TOP2B: variants seen among roughly 807,000 people sequenced by gnomAD.
TOP2B encodes DNA topoisomerase II beta.
Under a neutral mutation model 193.5 loss-of-function variants are expected in TOP2B, and 51 were observed. That is an observed-to-expected ratio of 0.26 (90% CI 0.21 to 0.33). TOP2B has a LOEUF of 0.33. Ranked by LOEUF, TOP2B falls within the 10% of genes least tolerant of loss-of-function variation. The probability of loss-of-function intolerance (pLI) is 1.00; values close to 1 mark genes in which losing one functional copy is unlikely to be tolerated. For missense variants in TOP2B, 1,378 were observed against 1,909.3 expected (o/e 0.72, Z 5.19); for synonymous variants, 634 against 635.7 (o/e 1.00, Z 0.04).
chr3:25,650,637 C>T (rs971572629), intron 1 of TOP2B, among the ~76,000 whole-genome samples: 3 of 152,134 alleles, frequency 2.0e-5, no homozygotes, highest in Admixed American at 6.5e-5. Flanking sequence ...GAAGCTGAAC[C>T]GACTGAGACA....
chr3:25,622,178 G>C (rs1702674815), intron 21 of TOP2B, among the ~76,000 whole-genome samples: 1 of 152,006 alleles, frequency 6.6e-6, no homozygotes, highest in African/African-American at 2.4e-5. Flanking sequence ...ACTTAGCACA[G>C]TTTCATACAC....
At chr3:25,662,167 T>C (rs180835115) in intron 1 of TOP2B, among the ~76,000 whole-genome samples, 56 of 152,340 alleles carry the variant, frequency 3.7e-4, no homozygotes, top group Non-Finnish European at 7.6e-4. Flanking sequence ...CTCATTTCAT[T>C]CTCAATGCAA....
chr3:25,624,951 C>T (rs960040319), intron 18 of TOP2B, 148 bp from the exon 19 acceptor site: 12 of 719,166 alleles, frequency 1.7e-5, no homozygotes, highest in African/African-American at 1.3e-4. Context: ...CATACTAACA[C>T]GTTTGTTTTG....
intron 1 of TOP2B, among the ~76,000 whole-genome samples, chr3:25,656,736 A>C (rs2125408574): frequency 6.6e-6 from 1 of 152,318 alleles, no homozygotes. Flanking sequence ...GCATAGGAAA[A>C]AATGTGAAAT....
intron 28 of TOP2B, among the ~76,000 whole-genome samples, chr3:25,611,634 C>T (rs1702373219): frequency 6.6e-6 from 1 of 152,096 alleles, no homozygotes; most frequent in Admixed American, 6.5e-5. Context: ...TCTGATGTTT[C>T]CTTCTTCCGG....
In TOP2B at chr3:25,643,616, T is replaced by C; in HGVS notation, c.331+78A>G. The C allele has an allele frequency of 4.6e-6, 5 of 1,076,770 alleles. No homozygotes were observed. The South Asian group carries it at 7.1e-5, about 15-fold the overall frequency. The allele number at this position is 1,076,770 out of a possible 1,614,324, so 66.7% of individuals were successfully genotyped here. A position where few individuals can be genotyped will look rare whatever the true frequency, so the allele number is the denominator to read the frequency against. On this transcript the variant is annotated intron_variant, in intron 3 of 35. Coordinates refer to ENST00000264331, the MANE Select transcript of TOP2B (RefSeq NM_001330700.2). ...ATACACCTTTCAAATTTATACTGGT[T>C]AAGTCTGGCTTTATATATAAAAGGA... is the stretch of plus-strand genomic sequence containing the variant.
intron 7 of TOP2B, among the ~76,000 whole-genome samples, chr3:25,634,789 AAAAAAAAAC>A (rs1165519398): frequency 4.2e-5 from 6 of 143,892 alleles, no homozygotes; most frequent in African/African-American, 1.6e-4. Flanking sequence ...AAAAAAAAAA[AAAAAAAAAC>A]CAAAAAAAGG....
intron 28 of TOP2B, among the ~76,000 whole-genome samples, chr3:25,610,470 A>G (rs1702341124): frequency 1.3e-5 from 2 of 152,198 alleles, no homozygotes; most frequent in African/African-American, 4.8e-5. Flanking sequence ...GGAAACACAT[A>G]GGTTTGCCAG....
Position 25,664,715 on chromosome 3 carries a change from C to A in TOP2B, c.-418G>T, listed in dbSNP as rs986353880. ...GGACGCAGAGGTGCCTTGTCCTTCTCACACTCCGCGAAGGCCAGCCACTCG... is the reference window on the plus strand; with the variant it reads ...GGACGCAGAGGTGCCTTGTCCTTCTAACACTCCGCGAAGGCCAGCCACTCG... On this transcript the variant is annotated 5_prime_UTR_variant, in exon 1 of 36. Transcript: ENST00000264331. The A allele has an allele frequency of 5.9e-5, 58 of 985,280 alleles. No individual in the cohort carries two copies. In the African/African-American group the frequency reaches 9.9e-4, roughly 17 times the overall value. 61.0% of individuals were successfully genotyped at this position (985,280 alleles called of 1,614,324 possible). A position where few individuals can be genotyped will look rare whatever the true frequency, so the allele number is the denominator to read the frequency against.
intron 27 of TOP2B, among the ~76,000 whole-genome samples, chr3:25,613,375 A>G (rs1291254763): frequency 1.3e-5 from 2 of 152,190 alleles, no homozygotes; most frequent in African/African-American, 4.8e-5. Context: ...AAATTACCCA[A>G]GCTTTGAAAT....
intron 7 of TOP2B, among the ~76,000 whole-genome samples, chr3:25,634,793 A>ACAAAC (rs55702752): frequency 0.011 from 1,669 of 146,374 alleles, 34 homozygotes; most frequent in African/African-American, 0.038. Flanking sequence ...AAAAAAAAAA[A>ACAAAC]AAAACCAAAA....
chr3:25,664,384 C>T lies in TOP2B; in HGVS notation c.-87G>A. ...CCGCTGGGCCCCGCCGCTCCGCACC[C>T]ACCGCTCCACTCGCCGCACTCCTAG... On this transcript the variant is annotated 5_prime_UTR_variant, in exon 1 of 36. Transcript: ENST00000264331. 1 of 1,348,150 alleles carries T rather than the reference C, an allele frequency of 7.4e-7. No homozygotes were observed. The highest frequency in any genetic ancestry group is 3.2e-5 in the East Asian group (1 of 31,582). The allele number at this position is 1,348,150 out of a possible 1,614,324, so 83.5% of individuals were successfully genotyped here.
intron 13 of TOP2B, 26 bp from the exon 14 acceptor site, chr3:25,629,171 A>G: frequency 6.9e-7 from 1 of 1,447,450 alleles, no homozygotes; most frequent in Non-Finnish European, 9.4e-7. Context: ...TAAAGTAAAA[A>G]ATGTTGTAAT....
At chr3:25,614,994 T>C (rs551687796) in intron 27 of TOP2B, among the ~76,000 whole-genome samples, 223 of 152,164 alleles carry the variant, frequency 1.5e-3, no homozygotes, top group African/African-American at 4.1e-3. Context: ...GCAGATTTAA[T>C]TTATTCTAAA....
At position 25,633,956 on chromosome 3, in the gene TOP2B, C is replaced by A. The variant is rs1391533191; in HGVS notation, c.911G>T (p.Gly304Val). Residue 304 changes from glycine to valine, a missense_variant, in exon 8 of 36, where the codon GGG becomes GTG. Gly to Val is a moderately radical substitution (Grantham distance 109, BLOSUM62 -3). This residue lies in a region of TOP2B where 222 missense variants were observed against 306.6 expected (regional missense o/e 0.72). Coordinates refer to ENST00000264331, the MANE Select transcript of TOP2B (RefSeq NM_001330700.2). ...LYVKDKLDETGVALKVIHELA... is the reference protein window; with the variant it reads ...LYVKDKLDETVVALKVIHELA... ...CTCATGAATAACTTTCAGGGCCACC[C>A]CAGTTTCATCCAATTTGTCTTTCAC... 6.2e-7 allele frequency: 1 copy of A among 1,612,814 alleles called. No homozygotes were observed.
At chr3:25,621,211 T>C (rs566017768) in intron 21 of TOP2B, among the ~76,000 whole-genome samples, 2 of 152,184 alleles carry the variant, frequency 1.3e-5, no homozygotes, top group Non-Finnish European at 2.9e-5. Flanking sequence ...TCTTCTCCCA[T>C]ATTTTGTTTG....
intron 11 of TOP2B, 63 bp from the exon 12 acceptor site, chr3:25,630,532 G>C: frequency 7.5e-7 from 1 of 1,331,708 alleles, no homozygotes; most frequent in Non-Finnish European, 1.0e-6. Flanking sequence ...TGAGAAAAAT[G>C]AAGTCAGAAA....
At position 25,623,676 on chromosome 3, in the gene TOP2B, G is replaced by A. The variant is rs528995984; in HGVS notation, c.2566C>T (p.Arg856Cys). The change falls in exon 21 of 36, where the codon CGT becomes TGT. Residue 856 changes from arginine (R) to cysteine (C), a missense_variant. Physicochemically the swap from Arg to Cys is radical, Grantham distance 180. Transcript: ENST00000264331. ...LLKFLYDDNQ[R>C]VEPEWYIPII... ...GGAATATACCACTCAGGCTCTACACGTTGATTATCATCATAAAGGAACTTA... is the reference window on the plus strand; with the variant it reads ...GGAATATACCACTCAGGCTCTACACATTGATTATCATCATAAAGGAACTTA... 13 of 1,613,640 alleles carry A rather than the reference G, an allele frequency of 8.1e-6. No individual in the cohort carries two copies. The highest frequency in any genetic ancestry group is 3.3e-5 in the Admixed American group (2 of 59,988).
In TOP2B at chr3:25,626,755, C is replaced by CA. The variant is rs745999263; in HGVS notation, c.2109+16dup. On this transcript the variant is annotated intron_variant, in intron 17 of 35. Transcript: ENST00000264331. Reference sequence around the variant, plus strand: ...CTCTCTCCTTCTTTCCCCAGGTCACCACTCTTTAAGACTAACCTCTGGTAA... The same window carrying CA: ...CTCTCTCCTTCTTTCCCCAGGTCACCAACTCTTTAAGACTAACCTCTGGTAA... The CA allele has an allele frequency of 1.3e-6, 2 of 1,587,524 alleles. No homozygotes were observed. Among genetic ancestry groups the CA allele is most frequent in the African/African-American group, 2.7e-5 (2 of 74,386 alleles).
Sources: allele counts gnomAD v4.1 joint callset (sites outside exome capture counted in the v4.1 genomes callset), GRCh38; gene constraint gnomAD v4.1.1; regional missense constraint gnomAD v4.1.1; transcripts MANE v1.5; gene names NCBI Gene and HGNC (gene_info 2026-07-23, HGNC 2026-07-21).